MCTP1: variants seen among roughly 807,000 people sequenced by gnomAD.
The protein encoded by MCTP1 is multiple C2 and transmembrane domain-containing protein 1.
In MCTP1, 69 loss-of-function variants were observed where a neutral mutation model predicts 120.6. The ratio of observed to expected loss-of-function variants is 0.57; its 90% CI spans 0.47 to 0.70. MCTP1 has a LOEUF of 0.70. Among genes scored for constraint, MCTP1 ranks in the 30% least tolerant of loss-of-function variants. The pLI, the probability that MCTP1 is intolerant of heterozygous loss-of-function variation, is 0.00. For missense variants in MCTP1, 1,203 were observed against 1,248.8 expected (o/e 0.96, Z 0.55); for synonymous variants, 529 against 493.1 (o/e 1.07, Z -0.96).
chr5:95,042,291 G>A (rs1842487116), intron 1 of MCTP1, among the ~76,000 whole-genome samples: 1 of 152,154 alleles, frequency 6.6e-6, no homozygotes, highest in Non-Finnish European at 1.5e-5. Context: ...TGAGTGTCAA[G>A]TACACACTTT....
chr5:94,914,575 A>C (rs1322200905), intron 8 of MCTP1, among the ~76,000 whole-genome samples: 1 of 152,270 alleles, frequency 6.6e-6, no homozygotes, highest in Non-Finnish European at 1.5e-5. Context: ...CACATTTTGA[A>C]CTTTGCCTGG....
intron 1 of MCTP1, among the ~76,000 whole-genome samples, chr5:95,189,896 C>T (rs1409436666): frequency 1.3e-5 from 2 of 152,040 alleles, no homozygotes; most frequent in African/African-American, 4.8e-5. Context: ...TGACTATGCA[C>T]TTTTGATTAC....
chr5:95,237,473 C>G (rs1461640761), intron 1 of MCTP1, among the ~76,000 whole-genome samples: 1 of 152,138 alleles, frequency 6.6e-6, no homozygotes, highest in African/African-American at 2.4e-5. Flanking sequence ...TTCAGTTCCT[C>G]TAGGCACGAC....
chr5:95,197,121 C>T (rs1238905030), intron 1 of MCTP1, among the ~76,000 whole-genome samples: 3 of 152,076 alleles, frequency 2.0e-5, no homozygotes, highest in African/African-American at 7.2e-5. Context: ...AATTCAAATC[C>T]AAATCTTCAC....
rs889739454 is a variant in MCTP1 at position 94,749,302 on chromosome 5, T to G, written c.2610+29808A>C. On this transcript the variant is annotated intron_variant, in intron 19 of 22. Coordinates refer to ENST00000515393, the MANE Select transcript of MCTP1 (RefSeq NM_024717.7). ...TTATTAGGTGGTATCCCCTGGCACT[T>G]AAGATATATGCAACCCTGTGCCCTG... Among the ~76,000 whole-genome samples, 5 of 152,256 alleles carry G rather than the reference T, an allele frequency of 3.3e-5. No individual in the cohort carries two copies. The East Asian group carries it at 7.7e-4, about 24-fold the overall frequency.
intron 22 of MCTP1, among the ~76,000 whole-genome samples, chr5:94,707,809 CAT>C (rs2152519105): frequency 6.6e-6 from 1 of 151,990 alleles, no homozygotes; most frequent in Non-Finnish European, 1.5e-5. Context: ...GTCTATAACA[CAT>C]TACATTAAAA....
intron 19 of MCTP1, among the ~76,000 whole-genome samples, chr5:94,728,425 G>A (rs750872384): frequency 5.9e-5 from 9 of 152,292 alleles, no homozygotes; most frequent in African/African-American, 9.6e-5. Flanking sequence ...ATGTATCTGC[G>A]TCTTAAAATT....
chr5:94,844,301 C>CACAAA (rs1791807321), intron 17 of MCTP1, among the ~76,000 whole-genome samples: 1 of 79,712 alleles, frequency 1.3e-5, no homozygotes, highest in Non-Finnish European at 2.3e-5. Context: ...GACTCTGTCT[C>CACAAA]AAAAAAAAAA....
intron 2 of MCTP1, among the ~76,000 whole-genome samples, chr5:94,964,456 C>T (rs933467856): frequency 1.7e-4 from 26 of 152,218 alleles, no homozygotes; most frequent in African/African-American, 6.3e-4. Context: ...GCATTGAAGT[C>T]CCCTACTATT....
Position 95,152,231 on chromosome 5 carries a change from C to G in MCTP1, c.720+131625G>C, listed in dbSNP as rs77698823. 6.5e-3 allele frequency among the ~76,000 whole-genome samples: 988 copies of G among 152,244 alleles called. 4 individuals are homozygous for G. Among genetic ancestry groups the G allele is most frequent in the Non-Finnish European group, 0.01 (692 of 68,014 alleles). ...GAGAGAAAATGATTTGGATTTATTT[C>G]TAATTTAAATCTGATCAAAACACCA... On this transcript the variant is annotated intron_variant, in intron 1 of 22. Coordinates refer to ENST00000515393, the MANE Select transcript of MCTP1 (RefSeq NM_024717.7).
intron 2 of MCTP1, among the ~76,000 whole-genome samples, chr5:94,965,774 G>T (rs1825440405): frequency 6.6e-6 from 1 of 152,182 alleles, no homozygotes; most frequent in African/African-American, 2.4e-5. Flanking sequence ...ATTCGGAAGT[G>T]ATTAGGCCAT....
chr5:94,839,106 C>A (rs906602076), intron 17 of MCTP1, among the ~76,000 whole-genome samples: 3 of 152,152 alleles, frequency 2.0e-5, no homozygotes, highest in African/African-American at 7.2e-5. Flanking sequence ...TCAACCAGGC[C>A]ATGTGCTGGA....
chr5:95,095,561 T>C (rs972626504), intron 1 of MCTP1, among the ~76,000 whole-genome samples: 12 of 152,144 alleles, frequency 7.9e-5, no homozygotes, highest in Admixed American at 2.0e-4. Context: ...ATTACAAAAA[T>C]AACTGCATCC....
chr5:94,987,244 A>G (rs1830584563), intron 2 of MCTP1, among the ~76,000 whole-genome samples: 1 of 152,144 alleles, frequency 6.6e-6, no homozygotes, highest in African/African-American at 2.4e-5. Flanking sequence ...TAATAATTTT[A>G]TACTATATTT....
intron 19 of MCTP1, among the ~76,000 whole-genome samples, chr5:94,716,087 G>T (rs1056402058): frequency 2.0e-5 from 3 of 152,230 alleles, no homozygotes; most frequent in African/African-American, 7.2e-5. Context: ...AGATGTGTGT[G>T]CCTCCTCCAA....
intron 19 of MCTP1, among the ~76,000 whole-genome samples, chr5:94,719,125 G>C (rs1215876888): frequency 6.6e-6 from 1 of 152,192 alleles, no homozygotes; most frequent in Non-Finnish European, 1.5e-5. Context: ...TTTCATGCCA[G>C]TCAGAATGGC....
chr5:95,038,382 T>C (rs114404614), intron 1 of MCTP1, among the ~76,000 whole-genome samples: 1 of 152,328 alleles, frequency 6.6e-6, no homozygotes, highest in South Asian at 2.1e-4. Context: ...CATGATAATA[T>C]ACCAATATAA....
chr5:95,166,386 G>C (rs1296607563), intron 1 of MCTP1, among the ~76,000 whole-genome samples: 1 of 152,098 alleles, frequency 6.6e-6, no homozygotes, highest in Non-Finnish European at 1.5e-5. Flanking sequence ...ATGCAGGTAA[G>C]TGTATGTTTC....
chr5:95,119,741 C>A (rs1436580327), intron 1 of MCTP1, among the ~76,000 whole-genome samples: 1 of 152,172 alleles, frequency 6.6e-6, no homozygotes, highest in African/African-American at 2.4e-5. Flanking sequence ...CTATAAGCAA[C>A]TATCTGCAAT....
Sources: gnomAD v4.1 joint callset for allele counts (sites outside exome capture counted in the v4.1 genomes callset) on GRCh38, gnomAD v4.1.1 for gene constraint, MANE v1.5 for transcripts, NCBI Gene and HGNC (gene_info 2026-07-23, HGNC 2026-07-21) for gene names.